The following PSORS1C1 variants were observed in gnomAD, a reference collection of about 807,000 sequenced individuals.
PSORS1C1 encodes the protein psoriasis susceptibility 1 candidate gene 1 protein.
Under a neutral mutation model 9.4 loss-of-function variants are expected in PSORS1C1, and 7 were observed. The observed-to-expected ratio is 0.75, with a 90% CI of 0.42 to 1.40. PSORS1C1 has a LOEUF of 1.40. Ranked by LOEUF, PSORS1C1 falls within the 40% of genes most tolerant of loss-of-function variation. PSORS1C1 has a pLI of 0.01. For missense variants in PSORS1C1, 146 were observed against 178.1 expected, an observed-to-expected ratio of 0.82 and a Z score of 1.02; for synonymous variants, 63 against 69.4, an observed-to-expected ratio of 0.91 and a Z score of 0.46.
chr6:31,126,923 G>T (rs1402118504), intron 2 of PSORS1C1, among the ~76,000 whole-genome samples: 2 of 152,180 alleles, frequency 1.3e-5, no homozygotes, highest in Non-Finnish European at 2.9e-5. Flanking sequence ...GAGGAGGGAG[G>T]CACACAGAGG....
chr6:31,140,022 A>T lies in PSORS1C1; in HGVS notation c.*90A>T, dbSNP rs1187980992. 1 of 1,288,130 alleles carries T rather than the reference A, an allele frequency of 7.8e-7. No homozygotes were observed. Among genetic ancestry groups the T allele is most frequent in the Admixed American group, 2.0e-5 (1 of 50,014 alleles). 79.8% of individuals were successfully genotyped at this position (1,288,130 alleles called of 1,614,324 possible). On this transcript the variant is annotated 3_prime_UTR_variant, in exon 6 of 6. Coordinates refer to ENST00000259881, the MANE Select transcript of PSORS1C1 (RefSeq NM_014068.3). This position sits in a 1 kb window ranked among gnomAD's most constrained non-coding sequence, Gnocchi z 4.6. ...TTTCAGAAGTAACATGTCCAAAATAAAATTTGATTCCTCCCAGGTTGTTCC... is the reference window on the plus strand; with the variant it reads ...TTTCAGAAGTAACATGTCCAAAATATAATTTGATTCCTCCCAGGTTGTTCC...
At chr6:31,138,042 G>A in intron 3 of PSORS1C1, 2 of 1,532,992 alleles carry the variant, frequency 1.3e-6, no homozygotes, top group South Asian at 1.3e-5. Flanking sequence ...GTTTTCTGGG[G>A]GCTGGGGTCC....
Position 31,114,800 on chromosome 6 carries a change from G to A in PSORS1C1, c.-320G>A, listed in dbSNP as rs1343141226. 1.3e-5 allele frequency: 6 copies of A among 452,020 alleles called. No individual in the cohort carries two copies. The highest frequency in any genetic ancestry group is 2.7e-5 in the Non-Finnish European group (6 of 225,146). The allele number at this position is 452,020 out of a possible 1,614,324, so 28.0% of individuals were successfully genotyped here. A position where few individuals can be genotyped will look rare whatever the true frequency, so the allele number is the denominator to read the frequency against. ...CTCAGCTGACAGGAATCTGGTTGGA[G>A]TTGTTGTGTCCCAGCCTTCCCAAGC... On this transcript the variant is annotated 5_prime_UTR_variant, in exon 1 of 6. Transcript: ENST00000259881.
rs1262548482 is a variant in PSORS1C1 at position 31,140,021 on chromosome 6, A to G, written c.*89A>G. 7.7e-7 allele frequency: 1 copy of G among 1,292,164 alleles called. No individual in the cohort carries two copies. Among genetic ancestry groups the G allele is most frequent in the African/African-American group, 1.5e-5 (1 of 67,562 alleles). The allele number at this position is 1,292,164 out of a possible 1,614,324, so 80.0% of individuals were successfully genotyped here. On this transcript the variant is annotated 3_prime_UTR_variant, in exon 6 of 6. Coordinates refer to ENST00000259881, the MANE Select transcript of PSORS1C1 (RefSeq NM_014068.3). The surrounding 1 kb of genome is among the most constrained non-coding windows in gnomAD (Gnocchi z 4.6). ...CTTTCAGAAGTAACATGTCCAAAATAAAATTTGATTCCTCCCAGGTTGTTC... is the reference window on the plus strand; with the variant it reads ...CTTTCAGAAGTAACATGTCCAAAATGAAATTTGATTCCTCCCAGGTTGTTC...
At chr6:31,133,620 C>A (rs1449588737) in intron 3 of PSORS1C1, 1 of 152,290 alleles carries the variant, frequency 6.6e-6, no homozygotes, top group Non-Finnish European at 1.5e-5. Flanking sequence ...CTCTTCTGAA[C>A]TCACGGCGTT....
Position 31,140,004 on chromosome 6 carries a change from A to G in PSORS1C1, c.*72A>G. On this transcript the variant is annotated 3_prime_UTR_variant, in exon 6 of 6. Transcript: ENST00000259881. The surrounding 1 kb of genome is among the most constrained non-coding windows in gnomAD (Gnocchi z 4.6). ...CCTGGAAGTCTGTTAGCCTTTCAGA[A>G]GTAACATGTCCAAAATAAAATTTGA... is the stretch of plus-strand genomic sequence containing the variant. 7.1e-7 allele frequency: 1 copy of G among 1,416,298 alleles called. No homozygotes were observed. The highest frequency in any genetic ancestry group is 9.8e-7 in the Non-Finnish European group (1 of 1,022,080). 87.7% of individuals were successfully genotyped at this position (1,416,298 alleles called of 1,614,324 possible).
At chr6:31,129,400 T>C (rs1772812235) in intron 2 of PSORS1C1, among the ~76,000 whole-genome samples, 169 bp from the exon 3 acceptor site, 1 of 152,164 alleles carries the variant, frequency 6.6e-6, no homozygotes, top group African/African-American at 2.4e-5. Flanking sequence ...CACAATGGGT[T>C]TCCCTCTGCA....
chr6:31,117,182 CGCTGTTTCCCGAGTGAGAGCT>C (rs1324077097), intron 1 of PSORS1C1: 1 of 1,611,674 alleles, frequency 6.2e-7, no homozygotes, highest in Non-Finnish European at 8.5e-7. Flanking sequence ...GAGTGAGAGC[CGCTGTTTCCCGAGTGAGAGCT>C]GCTGCTCCCC....
chr6:31,132,773 C>A (rs1772974610), intron 3 of PSORS1C1, among the ~76,000 whole-genome samples: 1 of 151,728 alleles, frequency 6.6e-6, no homozygotes, highest in Non-Finnish European at 1.5e-5. Flanking sequence ...CACTTGAGCC[C>A]AGGAGGTTGA....
chr6:31,117,199 G>A, intron 1 of PSORS1C1: 2 of 1,613,170 alleles, frequency 1.2e-6, no homozygotes, highest in Non-Finnish European at 1.7e-6. Context: ...TCCCGAGTGA[G>A]AGCTGCTGCT....
At chr6:31,137,971 G>T in intron 3 of PSORS1C1, 1 of 1,499,470 alleles carries the variant, frequency 6.7e-7, no homozygotes, top group Non-Finnish European at 8.9e-7. Context: ...TCTTCCCGGG[G>T]TGGGTCTAGG....
At chr6:31,118,989 C>T (rs954013118) in intron 1 of PSORS1C1, among the ~76,000 whole-genome samples, 1 of 151,576 alleles carries the variant, frequency 6.6e-6, no homozygotes, top group Non-Finnish European at 1.5e-5. Context: ...ACCACAGGTG[C>T]CCGCCACCAC....
Position 31,140,043 on chromosome 6 carries a change from G to A in PSORS1C1, c.*111G>A. On this transcript the variant is annotated 3_prime_UTR_variant, in exon 6 of 6. Transcript: ENST00000259881. The surrounding 1 kb of genome is among the most constrained non-coding windows in gnomAD (Gnocchi z 4.6). ...AATAAAATTTGATTCCTCCCAGGTTGTTCCCTGCCTGGTCCGCTACCCCAC... is the reference window on the plus strand; with the variant it reads ...AATAAAATTTGATTCCTCCCAGGTTATTCCCTGCCTGGTCCGCTACCCCAC... 1 of 1,043,172 alleles carries A rather than the reference G, an allele frequency of 9.6e-7. No homozygotes were observed. The highest frequency in any genetic ancestry group is 1.4e-6 in the Non-Finnish European group (1 of 699,514). The allele number at this position is 1,043,172 out of a possible 1,614,324, so 64.6% of individuals were successfully genotyped here.
At chr6:31,137,083 G>C (rs944106676) in intron 3 of PSORS1C1, among the ~76,000 whole-genome samples, 1 of 152,084 alleles carries the variant, frequency 6.6e-6, no homozygotes, top group South Asian at 2.1e-4. Context: ...GGGAGGCGGA[G>C]GTTGCAGTGA....
chr6:31,124,461 C>T (rs1484590434), intron 1 of PSORS1C1, among the ~76,000 whole-genome samples: 6 of 152,146 alleles, frequency 3.9e-5, no homozygotes, highest in African/African-American at 4.8e-5. Context: ...ATTATTTGTC[C>T]AAACCAGCTG....
At chr6:31,137,405 G>A (rs559848975) in intron 3 of PSORS1C1, 1 of 152,468 alleles carries the variant, frequency 6.6e-6, no homozygotes, top group African/African-American at 2.4e-5. Context: ...AGTGAGCCGA[G>A]ATCGTGCCAC....
chr6:31,123,767 C>T (rs1772562960), intron 1 of PSORS1C1, among the ~76,000 whole-genome samples: 1 of 152,238 alleles, frequency 6.6e-6, no homozygotes, highest in Non-Finnish European at 1.5e-5. Context: ...CCCCAGTGCA[C>T]GCTCCTCTGC....
chr6:31,120,468 T>C, intron 1 of PSORS1C1: 1 of 1,435,492 alleles, frequency 7.0e-7, no homozygotes, highest in Non-Finnish European at 9.6e-7. Flanking sequence ...GACACCCGGG[T>C]CCTTTATGCC....
chr6:31,118,833 TC>T (rs1394786631), intron 1 of PSORS1C1: 3 of 124,962 alleles, frequency 2.4e-5, no homozygotes, highest in African/African-American at 8.9e-5. Flanking sequence ...GGAAGTTTTT[TC>T]TTCTTCTTCT....
Sources: allele counts gnomAD v4.1 joint callset (sites outside exome capture counted in the v4.1 genomes callset), GRCh38; gene constraint gnomAD v4.1.1; non-coding constraint Gnocchi (gnomAD v3.1); transcripts MANE v1.5; gene names NCBI Gene and HGNC (gene_info 2026-07-23, HGNC 2026-07-21).